The following KCNH5 variants were observed in gnomAD, a reference collection of about 807,000 sequenced individuals.
KCNH5 encodes the protein potassium voltage-gated channel subfamily H member 5.
KCNH5 carries 46 observed loss-of-function variants against 96.1 expected under a neutral mutation model. That is an observed-to-expected ratio of 0.48 (90% CI 0.38 to 0.61). The LOEUF (loss-of-function observed/expected upper bound fraction) is 0.61, where lower values mean the gene tolerates loss of function less well. Among genes scored for constraint, KCNH5 ranks in the 20% least tolerant of loss-of-function variants. KCNH5 has a pLI of 0.00. For missense variants in KCNH5, 907 were observed against 1,225.8 expected, an observed-to-expected ratio of 0.74 and a Z score of 3.88; for synonymous variants, 439 against 449.8, an observed-to-expected ratio of 0.98 and a Z score of 0.30.
Position 62,703,398 on chromosome 14 carries a change from G to A in KCNH5, c.*4110C>T, listed in dbSNP as rs1175422535. On this transcript the variant is annotated 3_prime_UTR_variant, in exon 11 of 11. Coordinates refer to ENST00000322893, the MANE Select transcript of KCNH5 (RefSeq NM_139318.5). Reference sequence around the variant, plus strand: ...CTCTTCTATGAAAGAATGAAAAAGTGATCACTTGTCATAATGTGATTTTCA... The same window carrying A: ...CTCTTCTATGAAAGAATGAAAAAGTAATCACTTGTCATAATGTGATTTTCA... The A allele has an allele frequency of 2.6e-5, 4 of 151,882 alleles. No individual in the cohort carries two copies. The highest frequency in any genetic ancestry group is 7.2e-5 in the African/African-American group (3 of 41,424). The allele number at this position is 151,882 out of a possible 1,614,324, so 9.4% of individuals were successfully genotyped here. A position where few individuals can be genotyped will look rare whatever the true frequency, so the allele number is the denominator to read the frequency against.
chr14:62,871,845 A>G (rs8013931), intron 7 of KCNH5, among the ~76,000 whole-genome samples: 28,871 of 152,104 alleles, frequency 0.19, 3,171 homozygotes, highest in East Asian at 0.28. Flanking sequence ...ATCTCAGAAG[A>G]AGACTAATCA....
chr14:62,985,991 C>T (rs997400311), intron 5 of KCNH5, among the ~76,000 whole-genome samples: 4 of 152,164 alleles, frequency 2.6e-5, no homozygotes, highest in African/African-American at 9.7e-5. Flanking sequence ...GGACTCAACC[C>T]CTTGTTTCAC....
At chr14:62,764,910 T>C (rs1885827458) in intron 10 of KCNH5, among the ~76,000 whole-genome samples, 1 of 152,170 alleles carries the variant, frequency 6.6e-6, no homozygotes, top group African/African-American at 2.4e-5. Context: ...CACTCACGGA[T>C]AGGAAAAATC....
At chr14:62,715,648 G>T (rs1884668255) in intron 10 of KCNH5, among the ~76,000 whole-genome samples, 1 of 152,158 alleles carries the variant, frequency 6.6e-6, no homozygotes, top group South Asian at 2.1e-4. Context: ...AGATGTGGCA[G>T]CCTTGTTTAC....
At chr14:62,763,475 G>C (rs991433246) in intron 10 of KCNH5, among the ~76,000 whole-genome samples, 1 of 152,052 alleles carries the variant, frequency 6.6e-6, no homozygotes, top group Non-Finnish European at 1.5e-5. Context: ...ACACCTAGAG[G>C]AACTAGAAAA....
At chr14:62,907,910 G>A (rs755159434) in intron 7 of KCNH5, among the ~76,000 whole-genome samples, 5 of 152,112 alleles carry the variant, frequency 3.3e-5, no homozygotes, top group Non-Finnish European at 4.4e-5. Flanking sequence ...AGTCACATGA[G>A]GGCATTGTGC....
At chr14:62,710,690 G>A (rs1884548081) in intron 10 of KCNH5, among the ~76,000 whole-genome samples, 1 of 152,028 alleles carries the variant, frequency 6.6e-6, no homozygotes, top group Non-Finnish European at 1.5e-5. Flanking sequence ...GCTCGATGTG[G>A]TAACTGAGAG....
rs1249146991 is a variant in KCNH5 at position 63,001,462 on chromosome 14, G to A, written c.305-3C>T. On this transcript the variant is annotated splice_polypyrimidine_tract_variant and splice_region_variant and intron_variant, in intron 3 of 10. Coordinates refer to ENST00000322893, the MANE Select transcript of KCNH5 (RefSeq NM_139318.5). The stretch of plus-strand genomic sequence containing the variant: ...CATATAAAACCAAACAGGGGTTCCT[G>A]TAACAGAAAGAAGTTGGGGAAAGGA... 5.0e-6 allele frequency: 8 copies of A among 1,607,710 alleles called. No homozygotes were observed. Among genetic ancestry groups the A allele is most frequent in the Admixed American group, 1.7e-5 (1 of 58,962 alleles).
intron 7 of KCNH5, among the ~76,000 whole-genome samples, chr14:62,899,856 TA>T (rs1396810049): frequency 6.6e-6 from 1 of 151,636 alleles, no homozygotes; most frequent in Non-Finnish European, 1.5e-5. Flanking sequence ...AAAATTGAAT[TA>T]AAAAAATTTT....
At chr14:62,741,284 G>T (rs181266642) in intron 10 of KCNH5, among the ~76,000 whole-genome samples, 39 of 152,226 alleles carry the variant, frequency 2.6e-4, no homozygotes, top group African/African-American at 8.4e-4. Context: ...CAATACAAGG[G>T]TCTACTTAAT....
chr14:62,984,457 A>G (rs1890667417), intron 5 of KCNH5, among the ~76,000 whole-genome samples: 1 of 152,208 alleles, frequency 6.6e-6, no homozygotes, highest in Non-Finnish European at 1.5e-5. Context: ...GTCTTTGAAA[A>G]AGTAAAAGCA....
chr14:62,919,734 G>A (rs8007747), intron 7 of KCNH5, among the ~76,000 whole-genome samples: 6 of 151,964 alleles, frequency 3.9e-5, no homozygotes, highest in Non-Finnish European at 7.4e-5. Flanking sequence ...CAATATCTAC[G>A]TGGCCCATCA....
chr14:62,923,250 A>G (rs1241835520), intron 7 of KCNH5, among the ~76,000 whole-genome samples: 2 of 151,924 alleles, frequency 1.3e-5, no homozygotes, highest in African/African-American at 4.8e-5. Context: ...AATACTTAGT[A>G]ATAAATTTAA....
chr14:62,886,203 C>G (rs1888593962), intron 7 of KCNH5, among the ~76,000 whole-genome samples: 1 of 152,034 alleles, frequency 6.6e-6, no homozygotes, highest in African/African-American at 2.4e-5. Context: ...AACTTTGGAA[C>G]AGATGTGCCC....
At chr14:62,730,342 G>A (rs964944369) in intron 10 of KCNH5, among the ~76,000 whole-genome samples, 1 of 152,158 alleles carries the variant, frequency 6.6e-6, no homozygotes, top group African/African-American at 2.4e-5. Flanking sequence ...AGCTGCTACA[G>A]CATATTTATT....
chr14:62,875,445 T>C (rs1020078700), intron 7 of KCNH5, among the ~76,000 whole-genome samples: 1 of 152,152 alleles, frequency 6.6e-6, no homozygotes. Context: ...CAAACTATAC[T>C]ACTAGGCTAC....
intron 4 of KCNH5, among the ~76,000 whole-genome samples, chr14:62,997,019 G>A (rs1489978773): frequency 6.6e-6 from 1 of 152,110 alleles, no homozygotes; most frequent in African/African-American, 2.4e-5. Flanking sequence ...ATAGACCATT[G>A]TTAGCTGTAG....
At chr14:62,989,594 G>A (rs1051231289) in intron 4 of KCNH5, among the ~76,000 whole-genome samples, 5 of 151,988 alleles carry the variant, frequency 3.3e-5, no homozygotes, top group African/African-American at 1.2e-4. Flanking sequence ...ACCCACAAGT[G>A]AGAGGTGCCC....
chr14:62,860,268 G>C (rs1461554842), intron 7 of KCNH5, among the ~76,000 whole-genome samples: 1 of 152,148 alleles, frequency 6.6e-6, no homozygotes, highest in Non-Finnish European at 1.5e-5. Flanking sequence ...ATCTATGGGG[G>C]CCTGCCAAAG....
Sources: gnomAD v4.1 joint callset for allele counts (sites outside exome capture counted in the v4.1 genomes callset) on GRCh38, gnomAD v4.1.1 for gene constraint, MANE v1.5 for transcripts, NCBI Gene and HGNC (gene_info 2026-07-23, HGNC 2026-07-21) for gene names.